The following DLG2 variants were observed in gnomAD, a reference collection of about 807,000 sequenced individuals.
DLG2 encodes the protein discs large MAGUK scaffold protein 2, also known as disks large homolog 2.
DLG2 carries 45 observed loss-of-function variants against 132.5 expected under a neutral mutation model. The observed-to-expected ratio is 0.34, with a 90% confidence interval of 0.27 to 0.44. DLG2 has a LOEUF of 0.44. Ranked by LOEUF, DLG2 falls within the 20% of genes least tolerant of loss-of-function variation. The pLI, the probability that DLG2 is intolerant of heterozygous loss-of-function variation, is 1.00. For synonymous variants in DLG2, 424 were observed against 419.6 expected, an observed-to-expected ratio of 1.01 and a Z score of -0.13; for missense variants, 1,045 against 1,196.9, an observed-to-expected ratio of 0.87 and a Z score of 1.87.
chr11:85,140,637 A>G (rs1171884441), intron 5 of DLG2, among the ~76,000 whole-genome samples: 1 of 151,534 alleles, frequency 6.6e-6, no homozygotes, highest in South Asian at 2.1e-4. Context: ...TGTTGACTAT[A>G]GTCACCCTGT....
intron 6 of DLG2, among the ~76,000 whole-genome samples, chr11:84,538,032 A>T (rs1288639349): frequency 2.6e-5 from 4 of 152,226 alleles, no homozygotes; most frequent in Non-Finnish European, 4.4e-5. Context: ...ATATGCTAAG[A>T]ATATGAACTG....
chr11:83,915,962 G>A (rs1243302680), intron 15 of DLG2, among the ~76,000 whole-genome samples: 1 of 152,100 alleles, frequency 6.6e-6, no homozygotes, highest in African/African-American at 2.4e-5. Context: ...TTTGCCTATT[G>A]TTGACATTTC....
intron 6 of DLG2, among the ~76,000 whole-genome samples, chr11:84,699,450 C>G (rs1371939372): frequency 2.0e-5 from 3 of 151,472 alleles, no homozygotes; most frequent in African/African-American, 7.3e-5. Context: ...ACAGGATGAG[C>G]TGTATGGTGA....
intron 6 of DLG2, among the ~76,000 whole-genome samples, chr11:84,777,337 C>T (rs2070848184): frequency 8.7e-6 from 1 of 114,702 alleles, no homozygotes; most frequent in African/African-American, 3.3e-5. Context: ...GTTTTCTTTA[C>T]CCAGTCATCC....
At chr11:84,583,687 A>G (rs1300173905) in intron 6 of DLG2, among the ~76,000 whole-genome samples, 1 of 151,660 alleles carries the variant, frequency 6.6e-6, no homozygotes, top group African/African-American at 2.4e-5. Flanking sequence ...TGATTTAACA[A>G]CTCTCCTAAA....
intron 4 of DLG2, among the ~76,000 whole-genome samples, chr11:85,275,573 C>G (rs1277012389): frequency 1.3e-5 from 2 of 152,046 alleles, no homozygotes; most frequent in Non-Finnish European, 2.9e-5. Context: ...TTATCTGATT[C>G]AGTTCTTGGA....
intron 7 of DLG2, chr11:84,273,119 T>A (rs1465393442): frequency 2.0e-6 from 3 of 1,466,296 alleles, no homozygotes; most frequent in Admixed American, 2.9e-5. Flanking sequence ...AATAAAAGAA[T>A]CCCTAGGAAA....
intron 6 of DLG2, among the ~76,000 whole-genome samples, chr11:84,730,063 C>T (rs1357445629): frequency 6.6e-6 from 1 of 151,870 alleles, no homozygotes; most frequent in Non-Finnish European, 1.5e-5. Context: ...GAAACACTAC[C>T]CTCTACACCA....
At chr11:83,785,394 A>G (rs2095011998) in intron 18 of DLG2, among the ~76,000 whole-genome samples, 1 of 152,192 alleles carries the variant, frequency 6.6e-6, no homozygotes, top group African/African-American at 2.4e-5. Context: ...CTACTGAAAT[A>G]CAAGTCTACT....
chr11:84,197,635 G>A (rs1352599244), intron 8 of DLG2, among the ~76,000 whole-genome samples: 2 of 152,138 alleles, frequency 1.3e-5, no homozygotes, highest in Non-Finnish European at 2.9e-5. Context: ...TAAAAATGAT[G>A]TTTGGGAATT....
chr11:84,749,725 T>TA lies in DLG2; in HGVS notation c.358-214995dup, dbSNP rs1597267556. Among the ~76,000 whole-genome samples, 5 of 152,220 alleles carry TA rather than the reference T, an allele frequency of 3.3e-5. No individual in the cohort carries two copies. In the South Asian group the frequency reaches 6.2e-4, roughly 19 times the overall value. ...GGCTGTTTTTGTACAATTTCTATTT[T>TA]AAAAAAATATATATAAGGAAACTAA... On this transcript the variant is annotated intron_variant, in intron 6 of 27. Transcript: ENST00000376104.
intron 6 of DLG2, among the ~76,000 whole-genome samples, chr11:84,542,445 T>C (rs2099377154): frequency 6.6e-6 from 1 of 152,198 alleles, no homozygotes; most frequent in African/African-American, 2.4e-5. Flanking sequence ...AAGTTTTATC[T>C]GTCCCTCTGT....
Position 84,707,176 on chromosome 11 carries a change from A to G in DLG2, c.358-172445T>C, listed in dbSNP as rs370222250. ...AATATAGCTCCCCAAGCGAACACCT[A>G]GAGTCTGAATACTAGTAGAATGCTG... On this transcript the variant is annotated intron_variant, in intron 6 of 27. Transcript: ENST00000376104. Among the ~76,000 whole-genome samples, 3 of 151,972 alleles carry G rather than the reference A, an allele frequency of 2.0e-5. No homozygotes were observed. The East Asian group carries it at 5.8e-4, about 30-fold the overall frequency.
chr11:83,912,297 G>A (rs1332288934), intron 15 of DLG2, among the ~76,000 whole-genome samples: 1 of 152,068 alleles, frequency 6.6e-6, no homozygotes, highest in African/African-American at 2.4e-5. Context: ...TGACTGGGTT[G>A]TTATCTTTAA....
chr11:85,365,909 A>G (rs1035431567), intron 3 of DLG2, among the ~76,000 whole-genome samples: 1 of 152,140 alleles, frequency 6.6e-6, no homozygotes, highest in African/African-American at 2.4e-5. Flanking sequence ...CAGGGAGGAA[A>G]ATATCACACA....
At chr11:84,048,853 C>A (rs1019347002) in intron 11 of DLG2, among the ~76,000 whole-genome samples, 1 of 151,566 alleles carries the variant, frequency 6.6e-6, no homozygotes, top group Non-Finnish European at 1.5e-5. Context: ...AAAACACACA[C>A]ACACACTATT....
At chr11:83,671,866 G>A (rs974509950) in intron 18 of DLG2, among the ~76,000 whole-genome samples, 1 of 152,132 alleles carries the variant, frequency 6.6e-6, no homozygotes, top group Non-Finnish European at 1.5e-5. Flanking sequence ...ATCTCCAATT[G>A]TCTCATTGTC....
rs1042839520 is a variant in DLG2 at position 85,597,744 on chromosome 11, G to T, written c.40+913C>A. On this transcript the variant is annotated intron_variant, in intron 3 of 27. Transcript: ENST00000376104. ...TAAGCCTTATAAGTTCCTATTTTTTGATTTTATATCAATAATAACCAGCAT... is the reference window on the plus strand; with the variant it reads ...TAAGCCTTATAAGTTCCTATTTTTTTATTTTATATCAATAATAACCAGCAT... Among the ~76,000 whole-genome samples the T allele has an allele frequency of 9.2e-5, 14 of 151,378 alleles. No individual in the cohort carries two copies. In the South Asian group the frequency reaches 1.0e-3, roughly 11 times the overall value.
chr11:83,840,426 C>G (rs1393491899), intron 16 of DLG2, among the ~76,000 whole-genome samples: 1 of 152,138 alleles, frequency 6.6e-6, no homozygotes, highest in Non-Finnish European at 1.5e-5. Flanking sequence ...ATGTCTTTCC[C>G]TCTTCCTAGA....
Sources: gnomAD v4.1 joint callset for allele counts (sites outside exome capture counted in the v4.1 genomes callset) on GRCh38, gnomAD v4.1.1 for gene constraint, MANE v1.5 for transcripts, NCBI Gene and HGNC (gene_info 2026-07-23, HGNC 2026-07-21) for gene names.